Variants in EIPR1 observed in about 807,000 individuals in gnomAD.
EIPR1 encodes the protein EARP complex and GARP complex interacting protein 1.
In EIPR1, 25 loss-of-function variants were observed where a neutral mutation model predicts 48.1. That is an observed-to-expected ratio of 0.52 (90% CI 0.38 to 0.73). The LOEUF is 0.73. EIPR1 is among the 30% of genes least tolerant of loss of function. The pLI is 0.00. For missense variants in EIPR1, 415 were observed against 506.2 expected, an observed-to-expected ratio of 0.82 and a Z score of 1.73; for synonymous variants, 204 against 201.9, an observed-to-expected ratio of 1.01 and a Z score of -0.09.
In EIPR1 at chr2:3,214,323, C is replaced by T. The variant is rs538350736; in HGVS notation, c.417-75G>A. The T allele has an allele frequency of 1.4e-5, 18 of 1,325,228 alleles. No homozygotes were observed. The African/African-American group carries it at 2.3e-4, about 17-fold the overall frequency. 82.1% of individuals were successfully genotyped at this position (1,325,228 alleles called of 1,614,324 possible). On this transcript the variant is annotated intron_variant, in intron 4 of 8. Coordinates refer to ENST00000382125, the MANE Select transcript of EIPR1 (RefSeq NM_003310.5). ...AGGCTGGTAGGTAAGAGCTGTGATACATGTTCTTCATGACGCAGGAAATCT... is the reference window on the plus strand; with the variant it reads ...AGGCTGGTAGGTAAGAGCTGTGATATATGTTCTTCATGACGCAGGAAATCT...
intron 5 of EIPR1, among the ~76,000 whole-genome samples, chr2:3,212,474 C>T (rs1041993943): frequency 5.3e-5 from 8 of 152,164 alleles, no homozygotes; most frequent in Non-Finnish European, 1.2e-4. Flanking sequence ...AGTGTCTATA[C>T]CGGGAGCTGG....
chr2:3,279,742 CT>C (rs1667962380), intron 3 of EIPR1, among the ~76,000 whole-genome samples: 2 of 152,234 alleles, frequency 1.3e-5, no homozygotes, highest in Non-Finnish European at 2.9e-5. Context: ...CAGGAGGCTG[CT>C]CCGCTGACCT....
At chr2:3,369,121 C>T (rs780897332) in intron 1 of EIPR1, among the ~76,000 whole-genome samples, 10 of 152,072 alleles carry the variant, frequency 6.6e-5, no homozygotes, top group Non-Finnish European at 1.2e-4. Context: ...TGATACTATC[C>T]GATAAAATCC....
At chr2:3,369,730 G>A (rs4854185) in intron 1 of EIPR1, among the ~76,000 whole-genome samples, 24,612 of 152,222 alleles carry the variant, frequency 0.16, 2,223 homozygotes, top group Non-Finnish European at 0.21. Flanking sequence ...CAAAGCAGCC[G>A]GGAAGCTCGA....
chr2:3,285,576 A>T (rs982342739), intron 3 of EIPR1, among the ~76,000 whole-genome samples: 7 of 152,354 alleles, frequency 4.6e-5, no homozygotes, highest in Non-Finnish European at 1.5e-5. Flanking sequence ...GACCACATGG[A>T]GGCAAAGCTC....
At chr2:3,356,048 G>A (rs1004801893) in intron 1 of EIPR1, among the ~76,000 whole-genome samples, 1 of 152,228 alleles carries the variant, frequency 6.6e-6, no homozygotes, top group African/African-American at 2.4e-5. Flanking sequence ...AGGAGGAAGG[G>A]CTGGGCTGAG....
At chr2:3,347,415 T>C (rs1670434055) in intron 2 of EIPR1, among the ~76,000 whole-genome samples, 1 of 152,156 alleles carries the variant, frequency 6.6e-6, no homozygotes. Context: ...TCTCATGAGA[T>C]CTGATGGTTT....
At chr2:3,198,104 G>T (rs2103110455) in intron 5 of EIPR1, among the ~76,000 whole-genome samples, 1 of 152,296 alleles carries the variant, frequency 6.6e-6, no homozygotes, top group Admixed American at 6.5e-5. Context: ...GACAGGCAGG[G>T]GCTCTGCCTG....
At chr2:3,203,319 G>A (rs1189627049) in intron 5 of EIPR1, among the ~76,000 whole-genome samples, 1 of 152,242 alleles carries the variant, frequency 6.6e-6, no homozygotes, top group African/African-American at 2.4e-5. Flanking sequence ...TAGGAACTGC[G>A]ATGGGCGTTA....
intron 3 of EIPR1, among the ~76,000 whole-genome samples, chr2:3,321,491 G>A (rs1047060049): frequency 6.6e-6 from 1 of 152,114 alleles, no homozygotes; most frequent in Non-Finnish European, 1.5e-5. Flanking sequence ...CTTTCAAAGG[G>A]CTCTCGGTCA....
chr2:3,328,626 C>G (rs1172737104), intron 3 of EIPR1, among the ~76,000 whole-genome samples: 28 of 146,640 alleles, frequency 1.9e-4, no homozygotes, highest in Non-Finnish European at 4.2e-4. Context: ...CAGCTGGGCT[C>G]CCCTGGATCA....
chr2:3,336,336 G>A (rs192934562), intron 3 of EIPR1, among the ~76,000 whole-genome samples: 11 of 152,196 alleles, frequency 7.2e-5, no homozygotes, highest in Non-Finnish European at 1.5e-5. Context: ...ACAGAGAGCA[G>A]ACAAAACACA....
At chr2:3,214,097 G>A in intron 5 of EIPR1, 52 bp downstream of exon 5, 1 of 1,535,284 alleles carries the variant, frequency 6.5e-7, no homozygotes, top group African/African-American at 1.4e-5. Flanking sequence ...AGAACATGCG[G>A]GGTTTGGTTT....
intron 3 of EIPR1, among the ~76,000 whole-genome samples, chr2:3,293,458 G>A (rs759711182): frequency 5.3e-5 from 8 of 152,238 alleles, no homozygotes; most frequent in Non-Finnish European, 1.0e-4. Flanking sequence ...GCATGCCCCA[G>A]GGAGAACCCG....
intron 3 of EIPR1, among the ~76,000 whole-genome samples, chr2:3,302,058 G>A (rs543298830): frequency 3.9e-5 from 6 of 152,296 alleles, no homozygotes; most frequent in East Asian, 3.9e-4. Context: ...CTGAGGCCAC[G>A]CCAGCAGTGG....
intron 1 of EIPR1, among the ~76,000 whole-genome samples, chr2:3,355,927 G>A (rs909398586): frequency 7.9e-5 from 12 of 151,912 alleles, no homozygotes; most frequent in African/African-American, 2.4e-4. Flanking sequence ...ACAGAAAAAC[G>A]GCTACCGAGG....
chr2:3,305,505 GTCCAGTTCAACCCTCCACTCCCA>G (rs1402573423), intron 3 of EIPR1, among the ~76,000 whole-genome samples: 2 of 149,790 alleles, frequency 1.3e-5, no homozygotes, highest in Non-Finnish European at 3.0e-5. Context: ...CTCCACTCCT[GTCCAGTTCAACCCTCCACTCCCA>G]TCCAGTTCAA....
chr2:3,282,366 T>C (rs1016464068), intron 3 of EIPR1: 3 of 152,286 alleles, frequency 2.0e-5, no homozygotes, highest in Admixed American at 6.5e-5. Flanking sequence ...TCCAGCCTTT[T>C]GTGTGGAAAA....
rs1670672279 is a variant in EIPR1 at position 3,354,537 on chromosome 2, C to G, written c.126+13G>C. 1 of 1,612,152 alleles carries G rather than the reference C, an allele frequency of 6.2e-7. No individual in the cohort carries two copies. The highest frequency in any genetic ancestry group is 8.5e-7 in the Non-Finnish European group (1 of 1,178,544). ...TAGTAATTATCATGTATACATTTGTCAAAAATAGTTACCTGATTATCATAT... is the reference window on the plus strand; with the variant it reads ...TAGTAATTATCATGTATACATTTGTGAAAAATAGTTACCTGATTATCATAT... On this transcript the variant is annotated intron_variant, in intron 2 of 8. Transcript: ENST00000382125.
Sources: gnomAD v4.1 joint callset for allele counts (sites outside exome capture counted in the v4.1 genomes callset) on GRCh38, gnomAD v4.1.1 for gene constraint, MANE v1.5 for transcripts, NCBI Gene and HGNC (gene_info 2026-07-23, HGNC 2026-07-21) for gene names.